The following TACR1 variants were observed in gnomAD, a reference collection of about 807,000 sequenced individuals.
The protein encoded by TACR1 is substance-P receptor.
In TACR1, 25 loss-of-function variants were observed where a neutral mutation model predicts 35.8. The observed-to-expected ratio is 0.70, with a 90% CI of 0.51 to 0.98. TACR1 has a LOEUF of 0.98. TACR1 is among the 50% of genes least tolerant of loss of function. The probability of loss-of-function intolerance (pLI) is 0.00; values close to 1 mark genes in which losing one functional copy is unlikely to be tolerated. For synonymous variants in TACR1, 195 were observed against 206.7 expected (o/e 0.94, Z 0.48); for missense variants, 478 against 522.9 (o/e 0.91, Z 0.84).
At chr2:75,111,026 TC>T (rs1426525735) in intron 2 of TACR1, among the ~76,000 whole-genome samples, 1 of 152,048 alleles carries the variant, frequency 6.6e-6, no homozygotes. Context: ...TTTTTCATAT[TC>T]TTTTATGAGC....
At chr2:75,136,244 C>G (rs1674286837) in intron 1 of TACR1, among the ~76,000 whole-genome samples, 2 of 152,294 alleles carry the variant, frequency 1.3e-5, no homozygotes, top group South Asian at 4.1e-4. Context: ...GCTGTGGCTA[C>G]TTCCTTGGGA....
intron 2 of TACR1, among the ~76,000 whole-genome samples, chr2:75,103,823 T>G (rs1673588337): frequency 6.6e-6 from 1 of 152,126 alleles, no homozygotes; most frequent in Admixed American, 6.5e-5. Context: ...CCTAAGTTGT[T>G]ATCAGTTTCA....
At chr2:75,054,207 A>G (rs1672529677) in intron 2 of TACR1, among the ~76,000 whole-genome samples, 1 of 152,198 alleles carries the variant, frequency 6.6e-6, no homozygotes, top group Non-Finnish European at 1.5e-5. Context: ...TACCCGCCAG[A>G]CTACACTTAT....
intron 1 of TACR1, among the ~76,000 whole-genome samples, chr2:75,163,795 C>A (rs1190553228): frequency 1.3e-5 from 2 of 151,972 alleles, no homozygotes; most frequent in African/African-American, 4.8e-5. Context: ...ATTTGTATCC[C>A]AATATTGCAT....
intron 2 of TACR1, among the ~76,000 whole-genome samples, chr2:75,086,424 A>G (rs1039874995): frequency 1.5e-4 from 23 of 152,214 alleles, no homozygotes; most frequent in African/African-American, 5.5e-4. Context: ...CTGTTTTATA[A>G]AGTGCAAATT....
At chr2:75,099,680 C>G (rs754414335) in intron 2 of TACR1, among the ~76,000 whole-genome samples, 11 of 152,186 alleles carry the variant, frequency 7.2e-5, no homozygotes, top group Non-Finnish European at 1.6e-4. Flanking sequence ...AGGCCCCTTT[C>G]CTTGCATTCT....
At chr2:75,119,608 T>C (rs1673924387) in intron 2 of TACR1, among the ~76,000 whole-genome samples, 1 of 152,172 alleles carries the variant, frequency 6.6e-6, no homozygotes, top group South Asian at 2.1e-4. Context: ...GGATAAGAAG[T>C]CTTGGAGAAA....
chr2:75,119,114 C>G (rs572527329), intron 2 of TACR1, among the ~76,000 whole-genome samples: 1 of 152,326 alleles, frequency 6.6e-6, no homozygotes, highest in East Asian at 1.9e-4. Context: ...CTGTGTGCAA[C>G]AGGCTTTCAG....
At chr2:75,076,411 C>A (rs1026145531) in intron 2 of TACR1, among the ~76,000 whole-genome samples, 1 of 152,234 alleles carries the variant, frequency 6.6e-6, no homozygotes, top group South Asian at 2.1e-4. Flanking sequence ...AGCTCAAGGG[C>A]CAACAGAGTG....
intron 2 of TACR1, among the ~76,000 whole-genome samples, chr2:75,081,913 A>T (rs1329053539): frequency 8.1e-5 from 12 of 148,622 alleles, no homozygotes; most frequent in East Asian, 3.9e-4. Flanking sequence ...TTTTTTTTTT[A>T]AATATATATA....
At chr2:75,094,859 A>ATATTTTTTT in intron 2 of TACR1, among the ~76,000 whole-genome samples, 2 of 113,130 alleles carry the variant, frequency 1.8e-5, no homozygotes, top group African/African-American at 9.6e-5. Context: ...ATATATATAT[A>ATATTTTTTT]TTTTTTTTTT....
At chr2:75,147,341 A>C (rs566922937) in intron 1 of TACR1, among the ~76,000 whole-genome samples, 1 of 152,352 alleles carries the variant, frequency 6.6e-6, no homozygotes, top group East Asian at 1.9e-4. Flanking sequence ...ACAACTACCA[A>C]GTGGTCATAA....
chr2:75,049,579 G>A lies in TACR1; in HGVS notation c.1077C>T (p.Ser359=), dbSNP rs1446598676. ...CCTCCTCGTGGGCCCCCACCACTGT[G>A]GAGATGGTGGTCTCCAGGCGGCTGA... The part of the protein sequence containing the change: ...YKVSRLETTI[S]TVVGAHEEEP... The change falls in exon 5 of 5, where the codon TCC becomes TCT. Residue 359 remains serine, a synonymous_variant. Transcript: ENST00000305249. 1 of 1,614,156 alleles carries A rather than the reference G, an allele frequency of 6.2e-7. No individual in the cohort carries two copies.
chr2:75,186,687 C>A (rs541303747), intron 1 of TACR1: 1 of 151,098 alleles, frequency 6.6e-6, no homozygotes, highest in Non-Finnish European at 1.5e-5. Flanking sequence ...AAATGAACAG[C>A]CTCAAGAATC....
At chr2:75,123,294 CTT>C (rs2103914699) in intron 1 of TACR1, among the ~76,000 whole-genome samples, 1 of 152,294 alleles carries the variant, frequency 6.6e-6, no homozygotes, top group Admixed American at 6.5e-5. Context: ...ACATTGCCCT[CTT>C]TTAATATTAC....
chr2:75,085,874 C>A (rs1162219371), intron 2 of TACR1, among the ~76,000 whole-genome samples: 1 of 152,142 alleles, frequency 6.6e-6, no homozygotes, highest in Non-Finnish European at 1.5e-5. Flanking sequence ...TTCTCTGATC[C>A]CCTCTGGAAT....
At chr2:75,089,661 A>T (rs1295434998) in intron 2 of TACR1, among the ~76,000 whole-genome samples, 1 of 152,214 alleles carries the variant, frequency 6.6e-6, no homozygotes, top group African/African-American at 2.4e-5. Flanking sequence ...ATGTTTGGCC[A>T]TGTGGACACA....
At chr2:75,112,271 T>C (rs1390620634) in intron 2 of TACR1, among the ~76,000 whole-genome samples, 1 of 152,044 alleles carries the variant, frequency 6.6e-6, no homozygotes, top group Non-Finnish European at 1.5e-5. Flanking sequence ...AAGTCATTTA[T>C]TATCATTCTC....
At chr2:75,144,313 A>C (rs768592957) in intron 1 of TACR1, among the ~76,000 whole-genome samples, 1 of 152,234 alleles carries the variant, frequency 6.6e-6, no homozygotes, top group Non-Finnish European at 1.5e-5. Flanking sequence ...ATCCTTCAGC[A>C]CAACATGAGT....
Sources: gnomAD v4.1 joint callset for allele counts (sites outside exome capture counted in the v4.1 genomes callset) on GRCh38, gnomAD v4.1.1 for gene constraint, MANE v1.5 for transcripts, NCBI Gene and HGNC (gene_info 2026-07-23, HGNC 2026-07-21) for gene names.